The following SLMAP variants were observed in gnomAD, a reference collection of about 807,000 sequenced individuals.
The protein encoded by SLMAP is sarcolemmal membrane-associated protein.
A neutral mutation model predicts 128.8 loss-of-function variants in SLMAP; 44 were observed. That is an observed-to-expected ratio of 0.34 (90% CI 0.27 to 0.44). The LOEUF (loss-of-function observed/expected upper bound fraction) is 0.44. Ranked by LOEUF, SLMAP falls within the 20% of genes least tolerant of loss-of-function variation. The pLI is 1.00. For synonymous variants in SLMAP, 327 were observed against 348.8 expected (o/e 0.94, Z 0.70); for missense variants, 787 against 985.3 (o/e 0.80, Z 2.69).
At chr3:57,864,766 T>C in intron 11 of SLMAP, 41 bp from the exon 12 acceptor site, 1 of 1,564,466 alleles carries the variant, frequency 6.4e-7, no homozygotes, top group Non-Finnish European at 8.6e-7. Flanking sequence ...TTTCTTGTTA[T>C]CTGTGAAATA....
intron 2 of SLMAP, 53 bp from the exon 3 acceptor site, chr3:57,831,330 G>A (rs1390886692): frequency 5.6e-6 from 7 of 1,246,784 alleles, no homozygotes; most frequent in Non-Finnish European, 7.4e-6. Context: ...AAGTACATTT[G>A]GAATTATTAC....
intron 19 of SLMAP, chr3:57,912,152 A>T (rs972790076): frequency 3.7e-5 from 16 of 436,008 alleles, no homozygotes; most frequent in African/African-American, 3.1e-4. Context: ...AAAATCCAGA[A>T]GGAATATCAG....
chr3:57,916,016 C>T (rs2096801993), intron 21 of SLMAP, among the ~76,000 whole-genome samples: 1 of 151,986 alleles, frequency 6.6e-6, no homozygotes, highest in African/African-American at 2.4e-5. Flanking sequence ...ATGAGCCAGG[C>T]ATGGTGGCGC....
In SLMAP at chr3:57,885,771, C is replaced by CTTTTTTTTTTTTTTTTT. The variant is rs35541333; in HGVS notation, c.1301-4256_1301-4240dup. On this transcript the variant is annotated intron_variant, in intron 14 of 24. Transcript: ENST00000671191. ...TTGTTTTGCTTTTCGGTTTTTGGTT[C>CTTTTTTTTTTTTTTTTT]TTTTTTTTTTTTTTTTTTTTTTTTT... 7.5e-5 allele frequency among the ~76,000 whole-genome samples: 4 copies of CTTTTTTTTTTTTTTTTT among 53,580 alleles called. 1 individual carries two copies. The highest frequency in any genetic ancestry group is 9.9e-5 in the Non-Finnish European group (3 of 30,196). 35.2% of individuals were successfully genotyped at this position (53,580 alleles called of 152,430 possible). A position where few individuals can be genotyped will look rare whatever the true frequency, so the allele number is the denominator to read the frequency against.
At chr3:57,856,431 ACTTG>A (rs2094794344) in intron 6 of SLMAP, among the ~76,000 whole-genome samples, 1 of 152,260 alleles carries the variant, frequency 6.6e-6, no homozygotes, top group Admixed American at 6.5e-5. Flanking sequence ...AATTTTTTAA[ACTTG>A]CTTTTACTTT....
At chr3:57,879,477 C>T (rs1289206778) in intron 14 of SLMAP, among the ~76,000 whole-genome samples, 1 of 152,066 alleles carries the variant, frequency 6.6e-6, no homozygotes, top group African/African-American at 2.4e-5. Context: ...GCCAAAAAGA[C>T]CCTCAGTAAT....
At chr3:57,862,638 CAA>C (rs752561093) in intron 10 of SLMAP, among the ~76,000 whole-genome samples, 6 of 96,404 alleles carry the variant, frequency 6.2e-5, no homozygotes, top group Non-Finnish European at 5.9e-5. Context: ...CTTCGTCTCA[CAA>C]AAAAAAAAAA....
chr3:57,864,495 C>A, intron 10 of SLMAP, 53 bp from the exon 11 acceptor site: 2 of 1,295,428 alleles, frequency 1.5e-6, no homozygotes, highest in Non-Finnish European at 2.1e-6. Context: ...CTGGGGCTCG[C>A]TCTTAAAACA....
intron 14 of SLMAP, among the ~76,000 whole-genome samples, chr3:57,889,530 A>G (rs1436733965): frequency 6.6e-6 from 1 of 152,252 alleles, no homozygotes. Flanking sequence ...ATACATTTAC[A>G]GAAAATCCCC....
chr3:57,912,034 A>AT (rs1458517185), intron 19 of SLMAP, among the ~76,000 whole-genome samples: 2 of 151,548 alleles, frequency 1.3e-5, no homozygotes, highest in East Asian at 1.9e-4. Context: ...TACTATAACT[A>AT]TTTTTTTGTT....
intron 2 of SLMAP, chr3:57,800,956 G>T: frequency 3.6e-6 from 1 of 276,182 alleles, no homozygotes; most frequent in East Asian, 9.5e-5. Flanking sequence ...AGAAGTTCTT[G>T]GCATACATAT....
intron 10 of SLMAP, 59 bp from the exon 11 acceptor site, chr3:57,864,489 G>T: frequency 8.5e-7 from 1 of 1,180,718 alleles, no homozygotes; most frequent in Non-Finnish European, 1.2e-6. Context: ...GCATTCCTGG[G>T]GCTCGCTCTT....
intron 22 of SLMAP, among the ~76,000 whole-genome samples, chr3:57,919,623 C>T (rs890074300): frequency 4.6e-5 from 7 of 151,570 alleles, no homozygotes; most frequent in Admixed American, 6.6e-5. Flanking sequence ...GGAGAAACCC[C>T]GTCTCTAATA....
chr3:57,821,912 T>TTCCTCCTCCTCCTCCTCC lies in SLMAP; in HGVS notation c.199-9459_199-9442dup, dbSNP rs112836711. ...ATATATAAATTTGCTGCAATACCTG[T>TTCCTCCTCCTCCTCCTCC]TCCTCCTCCTCCTCCTCCTCCTCCT... On this transcript the variant is annotated intron_variant, in intron 2 of 24. Transcript: ENST00000671191. Among the ~76,000 whole-genome samples, 3 of 148,656 alleles carry TTCCTCCTCCTCCTCCTCC rather than the reference T, an allele frequency of 2.0e-5. No homozygotes were observed. The Admixed American group carries it at 2.0e-4, about 10-fold the overall frequency.
chr3:57,759,501 C>T (rs2078203808), intron 2 of SLMAP, among the ~76,000 whole-genome samples: 1 of 152,166 alleles, frequency 6.6e-6, no homozygotes, highest in South Asian at 2.1e-4. Context: ...GTCTTGAACT[C>T]CTGACCTCAG....
chr3:57,787,573 T>C (rs1329387241), intron 2 of SLMAP, among the ~76,000 whole-genome samples: 2 of 152,158 alleles, frequency 1.3e-5, no homozygotes, highest in Non-Finnish European at 2.9e-5. Flanking sequence ...GCCTCTCGGG[T>C]TCAAGTGATT....
intron 17 of SLMAP, among the ~76,000 whole-genome samples, chr3:57,902,679 G>A (rs2096419500): frequency 6.6e-6 from 1 of 152,116 alleles, no homozygotes; most frequent in South Asian, 2.1e-4. Flanking sequence ...ATATGGGAGA[G>A]AGATGGAAGT....
chr3:57,891,777 A>G lies in SLMAP; in HGVS notation c.1360+1677A>G, dbSNP rs144179813. Among the ~76,000 whole-genome samples the G allele has an allele frequency of 1.0e-3, 154 of 152,226 alleles. 1 individual carries two copies. Among genetic ancestry groups the G allele is most frequent in the African/African-American group, 3.4e-3 (141 of 41,544 alleles). On this transcript the variant is annotated intron_variant, in intron 15 of 24. Coordinates refer to ENST00000671191, the MANE Select transcript of SLMAP (RefSeq NM_001377540.1). ...TTTTAGTAGAGAATGAGGTTTCACC[A>G]TGTTGACCAGGCTGGTCTCAAACTC...
chr3:57,849,140 C>T (rs1038951716), intron 5 of SLMAP, among the ~76,000 whole-genome samples: 5 of 151,978 alleles, frequency 3.3e-5, no homozygotes, highest in East Asian at 3.9e-4. Flanking sequence ...CCATCCCCCT[C>T]GGCCTTCCAA....
Sources: gnomAD v4.1 joint callset for allele counts (sites outside exome capture counted in the v4.1 genomes callset) on GRCh38, gnomAD v4.1.1 for gene constraint, MANE v1.5 for transcripts, NCBI Gene and HGNC (gene_info 2026-07-23, HGNC 2026-07-21) for gene names.